ARID4A: variants seen among roughly 807,000 people sequenced by gnomAD.
The protein encoded by ARID4A is AT-rich interactive domain-containing protein 4A.
ARID4A carries 39 observed loss-of-function variants against 148.6 expected under a neutral mutation model. That is an observed-to-expected ratio of 0.26 (90% CI 0.20 to 0.34). ARID4A has a LOEUF of 0.34. ARID4A is among the 10% of genes least tolerant of loss of function. The pLI, the probability that ARID4A is intolerant of heterozygous loss-of-function variation, is 1.00. For synonymous variants in ARID4A, 475 were observed against 481.2 expected, an observed-to-expected ratio of 0.99 and a Z score of 0.17; for missense variants, 1,265 against 1,449.1, an observed-to-expected ratio of 0.87 and a Z score of 2.06.
chr14:58,350,441 T>C (rs1214418670), intron 15 of ARID4A, among the ~76,000 whole-genome samples: 1 of 152,210 alleles, frequency 6.6e-6, no homozygotes, highest in East Asian at 1.9e-4. Context: ...GTCATGGTCA[T>C]TTCAGCATTC....
At chr14:58,357,836 A>C (rs2034954759) in intron 17 of ARID4A, among the ~76,000 whole-genome samples, 1 of 152,132 alleles carries the variant, frequency 6.6e-6, no homozygotes, top group Non-Finnish European at 1.5e-5. Context: ...ACTGTTATTT[A>C]GTTCTAGAAA....
chr14:58,344,384 T>TA (rs1277094458), intron 11 of ARID4A, among the ~76,000 whole-genome samples: 1 of 151,884 alleles, frequency 6.6e-6, no homozygotes, highest in Non-Finnish European at 1.5e-5. Flanking sequence ...AAATGGGCTT[T>TA]AAAAAAAATA....
chr14:58,366,175 C>T lies in ARID4A; in HGVS notation c.3468C>T (p.His1156=), dbSNP rs958270436. 6.2e-7 allele frequency: 1 copy of T among 1,613,880 alleles called. No homozygotes were observed. The highest frequency in any genetic ancestry group is 2.2e-5 in the East Asian group (1 of 44,834). ...PHIKDGEKDK[H]REKHPNSSPR... is the part of the protein sequence containing the mutation. ...TCAAAGATGGAGAGAAAGATAAACA[C>T]AGAGAAAAACATCCGAATTCATCCC... Residue 1156 remains histidine, a synonymous_variant, in exon 22 of 24, where the codon CAC becomes CAT. Transcript: ENST00000355431.
chr14:58,334,079 T>C (rs1356062355), intron 11 of ARID4A, among the ~76,000 whole-genome samples: 4 of 152,132 alleles, frequency 2.6e-5, no homozygotes, highest in South Asian at 4.1e-4. Context: ...ACAGTGTTAG[T>C]GTAAGAGTCT....
At chr14:58,350,921 CA>C in intron 15 of ARID4A, 151 bp from the exon 16 acceptor site, 1 of 604,072 alleles carries the variant, frequency 1.7e-6, no homozygotes, top group Non-Finnish European at 2.6e-6. Context: ...CTTTTACTTT[CA>C]AAAGGAAGAG....
At chr14:58,301,196 T>C (rs548602023) in intron 2 of ARID4A, among the ~76,000 whole-genome samples, 2 of 152,358 alleles carry the variant, frequency 1.3e-5, no homozygotes, top group East Asian at 3.9e-4. Context: ...AATATTTCTT[T>C]TAATTTGAAA....
Position 58,324,839 on chromosome 14 carries a change from A to G in ARID4A, c.582+1222A>G, listed in dbSNP as rs983702924. Among the ~76,000 whole-genome samples, 13 of 152,214 alleles carry G rather than the reference A, an allele frequency of 8.5e-5. No individual in the cohort carries two copies. In the East Asian group the frequency reaches 2.5e-3, roughly 29 times the overall value. On this transcript the variant is annotated intron_variant, in intron 8 of 23. Coordinates refer to ENST00000355431, the MANE Select transcript of ARID4A (RefSeq NM_002892.4). ...TAGTATTTACTGAGGATCTGCAGTGAGTTCAGCTTTGTTCTAAGCTCCTTA... is the reference window on the plus strand; with the variant it reads ...TAGTATTTACTGAGGATCTGCAGTGGGTTCAGCTTTGTTCTAAGCTCCTTA...
At chr14:58,309,048 T>G (rs1284568565) in intron 5 of ARID4A, among the ~76,000 whole-genome samples, 1 of 152,214 alleles carries the variant, frequency 6.6e-6, no homozygotes, top group Admixed American at 6.5e-5. Context: ...TGAAAGAGAT[T>G]ATGGATATAG....
chr14:58,334,472 G>A (rs1290431690), intron 11 of ARID4A, among the ~76,000 whole-genome samples: 1 of 152,102 alleles, frequency 6.6e-6, no homozygotes, highest in Non-Finnish European at 1.5e-5. Context: ...TGTAAAACAG[G>A]AAAGAATAGT....
chr14:58,359,238 C>A, intron 18 of ARID4A, 22 bp downstream of exon 18: 1 of 1,557,642 alleles, frequency 6.4e-7, no homozygotes, highest in Non-Finnish European at 8.7e-7. Context: ...GATTTATGTC[C>A]TTTATAATAT....
chr14:58,333,744 C>T (rs2033655096), intron 11 of ARID4A, among the ~76,000 whole-genome samples: 1 of 151,576 alleles, frequency 6.6e-6, no homozygotes, highest in Non-Finnish European at 1.5e-5. Context: ...ATATTTATGC[C>T]TTGTAGATTG....
intron 5 of ARID4A, among the ~76,000 whole-genome samples, chr14:58,317,297 T>TA (rs1191168082): frequency 5.3e-5 from 8 of 150,290 alleles, no homozygotes; most frequent in African/African-American, 1.7e-4. Flanking sequence ...TTTATTTTTT[T>TA]TTTTTGGGAC....
intron 7 of ARID4A, among the ~76,000 whole-genome samples, chr14:58,319,273 T>C (rs1225687052): frequency 2.0e-5 from 3 of 151,382 alleles, no homozygotes; most frequent in Admixed American, 6.6e-5. Flanking sequence ...TTCACCATAT[T>C]GGCCAGGCTG....
chr14:58,362,674 C>G (rs778965273), intron 19 of ARID4A, among the ~76,000 whole-genome samples: 4 of 151,868 alleles, frequency 2.6e-5, no homozygotes, highest in African/African-American at 9.7e-5. Flanking sequence ...TTTCCCACCT[C>G]AGTCTCCCAA....
At chr14:58,338,200 G>C (rs1034939837) in intron 11 of ARID4A, among the ~76,000 whole-genome samples, 1 of 152,152 alleles carries the variant, frequency 6.6e-6, no homozygotes, top group African/African-American at 2.4e-5. Context: ...ACAGATGTCT[G>C]TAGGAACAAA....
intron 23 of ARID4A, among the ~76,000 whole-genome samples, chr14:58,369,510 C>T (rs1171723233): frequency 6.6e-6 from 1 of 150,914 alleles, no homozygotes; most frequent in Non-Finnish European, 1.5e-5. Flanking sequence ...CCTGTAATCC[C>T]AGCCACTCAG....
At position 58,364,558 on chromosome 14, in the gene ARID4A, A is replaced by G. The variant is rs1364610616; in HGVS notation, c.2469A>G (p.Ile823Met). ...GQNEAGSEPH[I>M]EAHSLELSSL... Reference sequence around the variant, plus strand: ...ATGAAGCAGGAAGTGAACCTCATATAGAAGCTCATAGTCTTGAATTGTCTT... The same window carrying G: ...ATGAAGCAGGAAGTGAACCTCATATGGAAGCTCATAGTCTTGAATTGTCTT... Residue 823 changes from isoleucine to methionine, a missense_variant, in exon 20 of 24, where the codon ATA (isoleucine) becomes ATG (methionine). Ile to Met is a conservative substitution (Grantham distance 10). Coordinates refer to ENST00000355431, the MANE Select transcript of ARID4A (RefSeq NM_002892.4). 6.2e-7 allele frequency: 1 copy of G among 1,611,108 alleles called. No individual in the cohort carries two copies. Among genetic ancestry groups the G allele is most frequent in the Non-Finnish European group, 8.5e-7 (1 of 1,179,436 alleles).
Position 58,351,206 on chromosome 14 carries a change from A to G in ARID4A, c.1538A>G (p.Lys513Arg), listed in dbSNP as rs768899728. The G allele has an allele frequency of 6.2e-7, 1 of 1,613,180 alleles. No homozygotes were observed. Among genetic ancestry groups the G allele is most frequent in the South Asian group, 1.1e-5 (1 of 90,664 alleles). The change falls in exon 16 of 24, where the codon AAA becomes AGA. Residue 513 changes from lysine to arginine, a missense_variant. By Grantham distance (26) the Lys-to-Arg change is conservative (BLOSUM62 2). This residue lies in a region of ARID4A where 205 missense variants were observed against 196.9 expected (regional missense o/e 1.04). Coordinates refer to ENST00000355431, the MANE Select transcript of ARID4A (RefSeq NM_002892.4). Reference protein sequence around the residue: ...VDDDYETAEKKENELLLGRKN... With the variant: ...VDDDYETAEKRENELLLGRKN... ...GATGACTATGAAACTGCAGAGAAAA[A>G]AGAAAATGAGCTACTACTGGGGAGA...
At chr14:58,318,448 A>G in intron 5 of ARID4A, 94 bp from the exon 6 acceptor site, 11 of 1,173,622 alleles carry the variant, frequency 9.4e-6, no homozygotes, top group South Asian at 1.3e-5. Flanking sequence ...TACAAATATT[A>G]AGCTCTAATT....
Sources: allele counts gnomAD v4.1 joint callset (sites outside exome capture counted in the v4.1 genomes callset), GRCh38; gene constraint gnomAD v4.1.1; regional missense constraint gnomAD v4.1.1; transcripts MANE v1.5; gene names NCBI Gene and HGNC (gene_info 2026-07-23, HGNC 2026-07-21).